Variants in CD80 observed in about 807,000 individuals in gnomAD.
CD80 encodes CD80 molecule.
In CD80, 13 loss-of-function variants were observed where a neutral mutation model predicts 27.1. The ratio of observed to expected loss-of-function variants is 0.48; its 90% CI spans 0.31 to 0.76. CD80 has a LOEUF of 0.76. Among genes scored for constraint, CD80 ranks in the 30% least tolerant of loss-of-function variants. The pLI is 0.04. For synonymous variants in CD80, 125 were observed against 125.5 expected, an observed-to-expected ratio of 1.00 and a Z score of 0.03; for missense variants, 277 against 347.9, an observed-to-expected ratio of 0.80 and a Z score of 1.62.
intron 3 of CD80, among the ~76,000 whole-genome samples, chr3:119,542,777 C>A (rs1272612958): frequency 6.6e-6 from 1 of 152,260 alleles, no homozygotes; most frequent in African/African-American, 2.4e-5. Flanking sequence ...CAAAGCAGAC[C>A]TCCTTCTTGC....
chr3:119,548,004 C>T (rs548054736), intron 2 of CD80, among the ~76,000 whole-genome samples: 8 of 149,868 alleles, frequency 5.3e-5, no homozygotes, highest in South Asian at 4.2e-4. Context: ...TTTTTTGAGA[C>T]GGAGTCTTGT....
rs564625286 is a variant in CD80, at chr3:119,545,955, C to T, written c.101-1088G>A. Among the ~76,000 whole-genome samples, 16 of 152,230 alleles carry T rather than the reference C, an allele frequency of 1.1e-4. No homozygotes were observed. The South Asian group carries it at 2.5e-3, about 24-fold the overall frequency. On this transcript the variant is annotated intron_variant, in intron 2 of 6. Coordinates refer to ENST00000264246, the MANE Select transcript of CD80 (RefSeq NM_005191.4). ...ATAGTGTTTTCTATAGCAGTTGCACCCGCAATGCTTGTTAAAGGTTTTGGA... is the reference window on the plus strand; with the variant it reads ...ATAGTGTTTTCTATAGCAGTTGCACTCGCAATGCTTGTTAAAGGTTTTGGA...
chr3:119,530,458 C>G (rs894355608), intron 4 of CD80, among the ~76,000 whole-genome samples: 2 of 152,178 alleles, frequency 1.3e-5, no homozygotes, highest in East Asian at 1.9e-4. Flanking sequence ...TTTTCACCCT[C>G]TAGCTACTGG....
Position 119,537,238 on chromosome 3 carries a change from A to G in CD80, c.599T>C (p.Val200Ala). 2 of 1,614,072 alleles carry G rather than the reference A, an allele frequency of 1.2e-6. No individual in the cohort carries two copies. Among genetic ancestry groups the G allele is most frequent in the Non-Finnish European group, 1.7e-6 (2 of 1,179,932 alleles). ...CATATTGAAATCCAGTTTGCTGCTAACAGCATAGAGCTCAGTTTCAGGATC... is the reference window on the plus strand; with the variant it reads ...CATATTGAAATCCAGTTTGCTGCTAGCAGCATAGAGCTCAGTTTCAGGATC... ...SQDPETELYA[V>A]SSKLDFNMTT... The change falls in exon 4 of 7, where the codon GTT becomes GCT. Residue 200 changes from valine (V) to alanine (A), a missense_variant. Physicochemically the swap from Val to Ala is moderately conservative, Grantham distance 64 (BLOSUM62 0). Transcript: ENST00000264246.
At position 119,548,070 on chromosome 3, in the gene CD80, C is replaced by T. The variant is rs2082210789; in HGVS notation, c.101-3203G>A. On this transcript the variant is annotated intron_variant, in intron 2 of 6. Coordinates refer to ENST00000264246, the MANE Select transcript of CD80 (RefSeq NM_005191.4). Reference sequence around the variant, plus strand: ...GATCTCAGCTCACTGCAACCTCCACCCCCAGGTTCAAGCAGTTCTCCTGCC... The same window carrying T: ...GATCTCAGCTCACTGCAACCTCCACTCCCAGGTTCAAGCAGTTCTCCTGCC... 2.6e-5 allele frequency among the ~76,000 whole-genome samples: 4 copies of T among 152,118 alleles called. No homozygotes were observed. In the South Asian group the frequency reaches 8.3e-4, roughly 32 times the overall value.
chr3:119,536,759 C>T (rs1049717032), intron 4 of CD80, among the ~76,000 whole-genome samples: 5 of 152,154 alleles, frequency 3.3e-5, no homozygotes, highest in African/African-American at 1.2e-4. Context: ...CAGTAATGTG[C>T]CATGTAACAT....
intron 3 of CD80, among the ~76,000 whole-genome samples, chr3:119,542,666 C>G (rs1386484433): frequency 6.6e-6 from 1 of 152,172 alleles, no homozygotes; most frequent in East Asian, 1.9e-4. Context: ...CTTCTAACCT[C>G]CAAGCTATCT....
intron 2 of CD80, among the ~76,000 whole-genome samples, chr3:119,551,573 G>A (rs1028982394): frequency 6.6e-6 from 1 of 152,130 alleles, no homozygotes; most frequent in Non-Finnish European, 1.5e-5. Context: ...CATCAGATGT[G>A]AGCCCCTTGA....
At chr3:119,551,707 C>T (rs1161567130) in intron 2 of CD80, among the ~76,000 whole-genome samples, 1 of 152,206 alleles carries the variant, frequency 6.6e-6, no homozygotes, top group Non-Finnish European at 1.5e-5. Flanking sequence ...CCCTGCTTCA[C>T]ATAATTATCA....
intron 3 of CD80, among the ~76,000 whole-genome samples, chr3:119,538,466 A>G (rs1256561189): frequency 6.6e-6 from 1 of 152,222 alleles, no homozygotes; most frequent in Admixed American, 6.5e-5. Flanking sequence ...GTATGATGTC[A>G]CCTATCCTGT....
At position 119,527,723 on chromosome 3, in the gene CD80, C is replaced by A. The variant is rs888148986; in HGVS notation, c.*38+10G>T. ...GATCCATGTATCCCAGAAGAGATGA[C>A]GGAGGCTACCTTCAGATCTTTTCAG... On this transcript the variant is annotated intron_variant, in intron 6 of 6. Transcript: ENST00000264246. 12 of 1,481,340 alleles carry A rather than the reference C, an allele frequency of 8.1e-6. 2 individuals are homozygous for A. In the Middle Eastern group the frequency reaches 1.4e-3, roughly 169 times the overall value. 91.8% of individuals were successfully genotyped at this position (1,481,340 alleles called of 1,614,324 possible). A position where few individuals can be genotyped will look rare whatever the true frequency, so the allele number is the denominator to read the frequency against.
chr3:119,546,540 A>G (rs2082203532), intron 2 of CD80, among the ~76,000 whole-genome samples: 1 of 152,170 alleles, frequency 6.6e-6, no homozygotes, highest in Non-Finnish European at 1.5e-5. Context: ...ATGACGAAGA[A>G]TAAGGGAGGG....
At chr3:119,532,942 TG>T (rs1245062931) in intron 4 of CD80, among the ~76,000 whole-genome samples, 6 of 152,218 alleles carry the variant, frequency 3.9e-5, no homozygotes, top group Non-Finnish European at 7.3e-5. Flanking sequence ...ACAGGATAGT[TG>T]GTTTTTCTTT....
chr3:119,531,543 AGGAGCATGCACCACAGGC>A (rs2082111505), intron 4 of CD80, among the ~76,000 whole-genome samples: 1 of 152,260 alleles, frequency 6.6e-6, no homozygotes, highest in African/African-American at 2.4e-5. Flanking sequence ...AGTCGGAGGC[AGGAGCATGCACCACAGGC>A]GGAGCTAGCA....
At chr3:119,527,095 G>A (rs932008126) in intron 6 of CD80, among the ~76,000 whole-genome samples, 9 of 152,166 alleles carry the variant, frequency 5.9e-5, no homozygotes, top group East Asian at 1.9e-4. Context: ...CTTGGGTTCC[G>A]TTTACCCCAT....
chr3:119,538,575 C>G (rs2082151341), intron 3 of CD80, among the ~76,000 whole-genome samples: 2 of 152,178 alleles, frequency 1.3e-5, no homozygotes, highest in Non-Finnish European at 1.5e-5. Flanking sequence ...CATGAGGGGC[C>G]TACCCCTTTG....
At chr3:119,554,312 A>G (rs1026590480) in intron 2 of CD80, among the ~76,000 whole-genome samples, 4 of 152,090 alleles carry the variant, frequency 2.6e-5, no homozygotes, top group Admixed American at 1.3e-4. Context: ...GAGTTCTCAG[A>G]CTATAAACTT....
intron 4 of CD80, 104 bp from the exon 5 acceptor site, chr3:119,530,041 G>A (rs896614135): frequency 2.5e-6 from 2 of 788,274 alleles, no homozygotes; most frequent in African/African-American, 3.5e-5. Flanking sequence ...TCTTTGCCTG[G>A]TCAGCTCTCC....
chr3:119,537,919 T>C (rs547032247), intron 3 of CD80, among the ~76,000 whole-genome samples: 2 of 152,356 alleles, frequency 1.3e-5, no homozygotes, highest in Non-Finnish European at 2.9e-5. Context: ...GTTATATCAA[T>C]TCTTTGCCAC....
Sources: gnomAD v4.1 joint callset for allele counts (sites outside exome capture counted in the v4.1 genomes callset) on GRCh38, gnomAD v4.1.1 for gene constraint, MANE v1.5 for transcripts, NCBI Gene and HGNC (gene_info 2026-07-23, HGNC 2026-07-21) for gene names.